TCF25: variants seen among roughly 807,000 people sequenced by gnomAD.
The protein encoded by TCF25 is TCF25 ribosome quality control complex subunit, also known as ribosome quality control complex subunit TCF25.
TCF25 carries 41 observed loss-of-function variants against 83.1 expected under a neutral mutation model. That is an observed-to-expected ratio of 0.49 (90% CI 0.38 to 0.64). The LOEUF is 0.64. Among genes scored for constraint, TCF25 ranks in the 30% least tolerant of loss-of-function variants. TCF25 has a pLI of 0.00. For missense variants in TCF25, 979 were observed against 914.5 expected (o/e 1.07, Z -0.91); for synonymous variants, 458 against 365.0 (o/e 1.25, Z -2.90).
intron 1 of TCF25, chr16:89,878,694 G>A: frequency 1.9e-6 from 2 of 1,027,166 alleles, no homozygotes; most frequent in Non-Finnish European, 2.4e-6. Flanking sequence ...AGGCTGGAGT[G>A]CAGTGGCACC....
intron 5 of TCF25, chr16:89,889,106 G>T (rs990670519): frequency 1.1e-5 from 3 of 283,322 alleles, no homozygotes; most frequent in South Asian, 3.2e-5. Flanking sequence ...GGAAGAGCAG[G>T]GGGGGTGTCT....
Position 89,893,767 on chromosome 16 carries a change from CCTT to C in TCF25, c.741_743del (p.Phe248del), listed in dbSNP as rs763547513. The C allele has an allele frequency of 5.3e-5, 85 of 1,613,922 alleles. No individual in the cohort carries two copies. Among genetic ancestry groups the C allele is most frequent in the Non-Finnish European group, 6.9e-5 (81 of 1,179,928 alleles). ...CTGCTGGAATCAAAAAAAGGCCTCT[CCTT>C]CTTTGCGTTTGAGCACAGTGAGGAG... On this transcript the variant is annotated inframe_deletion, in exon 7 of 18. Transcript: ENST00000263346.
In TCF25 at chr16:89,896,180, A is replaced by C. The variant is rs963557249; in HGVS notation, c.1022+97A>C. On this transcript the variant is annotated intron_variant, in intron 9 of 17. Transcript: ENST00000263346. ...AGTGGGCACCTCATGGCTGCCCTCC[A>C]GGGTGGACCAGGGCCCACAGGTCCA... 5 of 1,078,936 alleles carry C rather than the reference A, an allele frequency of 4.6e-6. No homozygotes were observed. The African/African-American group carries it at 7.8e-5, about 17-fold the overall frequency. 66.8% of individuals were successfully genotyped at this position (1,078,936 alleles called of 1,614,324 possible). A position where few individuals can be genotyped will look rare whatever the true frequency, so the allele number is the denominator to read the frequency against.
At chr16:89,908,938 A>T in intron 16 of TCF25, 1 of 1,289,086 alleles carries the variant, frequency 7.8e-7, no homozygotes, top group African/African-American at 1.5e-5. Flanking sequence ...GATGGGGCTC[A>T]GGGCTAAGTG....
intron 16 of TCF25, chr16:89,909,123 G>C: frequency 7.8e-7 from 1 of 1,286,596 alleles, no homozygotes; most frequent in Non-Finnish European, 1.0e-6. Flanking sequence ...CAGTGAAGTG[G>C]GGAAAACATA....
intron 15 of TCF25, among the ~76,000 whole-genome samples, chr16:89,906,580 TTC>T (rs2044804609): frequency 2.0e-5 from 3 of 152,180 alleles, no homozygotes; most frequent in African/African-American, 7.2e-5. Flanking sequence ...TGCTGGGGGA[TTC>T]TCTGTAGTCG....
rs978069306 is a variant in TCF25 at position 89,889,982 on chromosome 16, G to T, written c.615-2211G>T. 2.0e-5 allele frequency: 3 copies of T among 152,260 alleles called. No homozygotes were observed. In the East Asian group the frequency reaches 5.8e-4, roughly 29 times the overall value. The allele number at this position is 152,260 out of a possible 1,614,324, so 9.4% of individuals were successfully genotyped here. A position where few individuals can be genotyped will look rare whatever the true frequency, so the allele number is the denominator to read the frequency against. On this transcript the variant is annotated intron_variant, in intron 5 of 17. Transcript: ENST00000263346. ...CCTCCTGGGTTCAAACGATTCTCCT[G>T]CCTCAGCTTCCCAAGTAGCTGGGAT...
At chr16:89,881,921 A>AT (rs199732172) in intron 1 of TCF25, among the ~76,000 whole-genome samples, 2,453 of 151,764 alleles carry the variant, frequency 0.016, 43 homozygotes, top group South Asian at 0.095. Flanking sequence ...CACCTGGCCG[A>AT]TTTTTTTATT....
chr16:89,904,231 C>T (rs1481665406), intron 13 of TCF25, 26 bp downstream of exon 13: 5 of 1,550,316 alleles, frequency 3.2e-6, no homozygotes, highest in Non-Finnish European at 4.4e-6. Flanking sequence ...TGGTGCCCAT[C>T]TGTGGGTGCC....
intron 6 of TCF25, 123 bp downstream of exon 6, chr16:89,892,398 G>C: frequency 2.7e-6 from 3 of 1,098,334 alleles, no homozygotes; most frequent in Non-Finnish European, 3.9e-6. Flanking sequence ...CGGCGGGGGG[G>C]TGTGTTCTGT....
intron 16 of TCF25, among the ~76,000 whole-genome samples, chr16:89,907,770 C>G (rs565104129): frequency 1.2e-5 from 1 of 85,814 alleles, no homozygotes; most frequent in Admixed American, 1.2e-4. Flanking sequence ...CCTCCCTCCT[C>G]CCAGTTCCCA....
chr16:89,875,553 C>G (rs1351455035), intron 1 of TCF25, among the ~76,000 whole-genome samples: 4 of 115,280 alleles, frequency 3.5e-5, no homozygotes, highest in Non-Finnish European at 1.7e-5. Context: ...GATGGAGTCT[C>G]GCTCTGTCGC....
In TCF25 at chr16:89,911,166, G is replaced by A; in HGVS notation, c.1959G>A (p.Met653Ile). 1 of 1,612,330 alleles carries A rather than the reference G, an allele frequency of 6.2e-7. No homozygotes were observed. The highest frequency in any genetic ancestry group is 8.5e-7 in the Non-Finnish European group (1 of 1,179,970). Residue 653 changes from methionine (M) to isoleucine (I), a missense_variant, in exon 18 of 18, where the codon ATG becomes ATA. Coordinates refer to ENST00000263346, the MANE Select transcript of TCF25 (RefSeq NM_014972.3). ...TGATGCTGGCTGTGCGCGACATGAT[G>A]GCCAACTTCCACCTCAACGACCTGG... ...NRLMLAVRDM[M>I]ANFHLNDLEA...
chr16:89,900,103 A>C (rs2044192148), intron 11 of TCF25, among the ~76,000 whole-genome samples: 1 of 152,212 alleles, frequency 6.6e-6, no homozygotes, highest in South Asian at 2.1e-4. Flanking sequence ...TTAAGGTCAC[A>C]AAACTGTGAG....
chr16:89,875,891 G>A (rs2042154615), intron 1 of TCF25, among the ~76,000 whole-genome samples: 1 of 135,124 alleles, frequency 7.4e-6, no homozygotes, highest in African/African-American at 2.8e-5. Flanking sequence ...GCTGGTTGCT[G>A]GTCTTGAACT....
At chr16:89,908,489 CTTTCCTCGCAGTTCCCACCTCCCACCTT>C (rs2045197143) in intron 16 of TCF25, among the ~76,000 whole-genome samples, 5 of 132,784 alleles carry the variant, frequency 3.8e-5, no homozygotes, top group African/African-American at 1.4e-4. Context: ...GCTCCCACCT[CTTTCCTCGCAGTTCCCACCTCCCACCTT>C]CCAGCTCCCA....
At position 89,901,523 on chromosome 16, in the gene TCF25, A is replaced by G. The variant is rs535899280; in HGVS notation, c.1381+729A>G. On this transcript the variant is annotated intron_variant, in intron 12 of 17. Transcript: ENST00000263346. ...CACTTTGGGAGGCCGAGGTGGGCGG[A>G]TCACGAGGTCAGGAGATCGAGACCA... Among the ~76,000 whole-genome samples, 165 of 136,374 alleles carry G rather than the reference A, an allele frequency of 1.2e-3. 7 individuals are homozygous for G. The highest frequency in any genetic ancestry group is 1.2e-3 in the Non-Finnish European group (76 of 61,534). 89.5% of individuals were successfully genotyped at this position (136,374 alleles called of 152,430 possible).
At chr16:89,883,264 G>A in intron 1 of TCF25, 87 bp from the exon 2 acceptor site, 1 of 1,544,096 alleles carries the variant, frequency 6.5e-7, no homozygotes, top group Non-Finnish European at 8.8e-7. Flanking sequence ...CCCAACGCAA[G>A]CCCGTTCACA....
intron 14 of TCF25, among the ~76,000 whole-genome samples, chr16:89,905,734 TC>T (rs1183417180): frequency 1.3e-5 from 2 of 152,200 alleles, no homozygotes; most frequent in African/African-American, 4.8e-5. Flanking sequence ...CATGGGCCCG[TC>T]CGCGTGTCTG....
Sources: gnomAD v4.1 joint callset for allele counts (sites outside exome capture counted in the v4.1 genomes callset) on GRCh38, gnomAD v4.1.1 for gene constraint, MANE v1.5 for transcripts, NCBI Gene and HGNC (gene_info 2026-07-23, HGNC 2026-07-21) for gene names.